PTPRE: variants seen among roughly 807,000 people sequenced by gnomAD.
The protein encoded by PTPRE is protein tyrosine phosphatase receptor type E.
PTPRE carries 51 observed loss-of-function variants against 102.0 expected under a neutral mutation model. The observed-to-expected ratio is 0.50, with a 90% CI of 0.40 to 0.63. PTPRE has a LOEUF of 0.63. PTPRE is among the 30% of genes least tolerant of loss of function. The pLI, the probability that PTPRE is intolerant of heterozygous loss-of-function variation, is 0.00. For synonymous variants in PTPRE, 345 were observed against 348.2 expected, an observed-to-expected ratio of 0.99 and a Z score of 0.10; for missense variants, 752 against 915.1, an observed-to-expected ratio of 0.82 and a Z score of 2.30.
intron 2 of PTPRE, among the ~76,000 whole-genome samples, chr10:128,033,747 C>A (rs549620824): frequency 1.2e-3 from 184 of 152,312 alleles, no homozygotes; most frequent in Non-Finnish European, 2.2e-3. Flanking sequence ...CGGGTTCAAG[C>A]GATTCTCCTG....
At chr10:127,964,819 C>G in intron 1 of PTPRE, 1 of 292,384 alleles carries the variant, frequency 3.4e-6, no homozygotes, top group South Asian at 3.1e-5. Flanking sequence ...TGAACAGTTT[C>G]ATTTTCAGTA....
At chr10:128,009,015 G>A (rs1844751984) in intron 2 of PTPRE, among the ~76,000 whole-genome samples, 3 of 152,182 alleles carry the variant, frequency 2.0e-5, no homozygotes, top group Admixed American at 1.3e-4. Context: ...GGGTTGCTTG[G>A]AAACTCAGTC....
rs1031663754 is a variant in PTPRE, at chr10:128,044,410, G to A, written c.110-2980G>A. On this transcript the variant is annotated intron_variant, in intron 3 of 20. Transcript: ENST00000254667. The stretch of plus-strand genomic sequence containing the variant: ...ACTGAGGTAGTCCCTGGAAGACCCC[G>A]GCTCTTGGCCAGAGCTCAGGATCAG... 7.9e-5 allele frequency among the ~76,000 whole-genome samples: 12 copies of A among 152,324 alleles called. No individual in the cohort carries two copies. The South Asian group carries it at 1.4e-3, about 18-fold the overall frequency.
chr10:127,943,229 C>A (rs150648619), intron 1 of PTPRE, among the ~76,000 whole-genome samples: 1 of 152,126 alleles, frequency 6.6e-6, no homozygotes, highest in East Asian at 1.9e-4. Flanking sequence ...TTTTTCTGAG[C>A]GTCACAGTGG....
At chr10:128,022,572 G>T (rs1221579556) in intron 2 of PTPRE, among the ~76,000 whole-genome samples, 1 of 152,200 alleles carries the variant, frequency 6.6e-6, no homozygotes, top group Non-Finnish European at 1.5e-5. Flanking sequence ...AGTTTCACTG[G>T]TGCTGCTGCT....
intron 1 of PTPRE, among the ~76,000 whole-genome samples, chr10:127,945,380 C>T (rs1049545449): frequency 6.6e-6 from 1 of 152,176 alleles, no homozygotes; most frequent in Non-Finnish European, 1.5e-5. Context: ...TATCTGAAGC[C>T]CAAGGCAACA....
intron 1 of PTPRE, among the ~76,000 whole-genome samples, chr10:127,946,848 A>G (rs1418448317): frequency 6.6e-6 from 1 of 152,156 alleles, no homozygotes; most frequent in African/African-American, 2.4e-5. Flanking sequence ...AACCTGGGCA[A>G]CATCGTGAGA....
At chr10:128,005,047 G>T (rs1025047532) in intron 2 of PTPRE, among the ~76,000 whole-genome samples, 9 of 152,226 alleles carry the variant, frequency 5.9e-5, no homozygotes, top group African/African-American at 2.2e-4. Flanking sequence ...CTTTGGAGAA[G>T]CGTCTATTCA....
rs1554951767 is a variant in PTPRE at position 128,082,195 on chromosome 10, C to CTCTCTT, written c.2029-636_2029-635insCTCTTT. ...TTAGTACTCTGATTTTTTTCTCTTT[C>CTCTCTT]TTTTTTTTTTTTTTTTTTTTTTTTT... On this transcript the variant is annotated intron_variant, in intron 20 of 20. Transcript: ENST00000254667. 5.9e-3 allele frequency among the ~76,000 whole-genome samples: 525 copies of CTCTCTT among 89,044 alleles called. 82 individuals carry two copies. Among genetic ancestry groups the CTCTCTT allele is most frequent in the African/African-American group, 0.016 (348 of 22,004 alleles). The allele number at this position is 89,044 out of a possible 152,430, so 58.4% of individuals were successfully genotyped here. A position where few individuals can be genotyped will look rare whatever the true frequency, so the allele number is the denominator to read the frequency against.
chr10:128,042,293 A>G (rs1847764679), intron 3 of PTPRE, among the ~76,000 whole-genome samples: 2 of 152,218 alleles, frequency 1.3e-5, no homozygotes, highest in East Asian at 3.8e-4. Context: ...AATCTGCCCG[A>G]GCTCTGCAGA....
intron 6 of PTPRE, 82 bp downstream of exon 6, chr10:128,049,748 C>A: frequency 6.3e-7 from 1 of 1,577,806 alleles, no homozygotes; most frequent in South Asian, 1.1e-5. Context: ...GATGAATTAT[C>A]CCAAAGACTC....
At chr10:127,992,968 G>A (rs1589936712) in intron 2 of PTPRE, among the ~76,000 whole-genome samples, 2 of 152,192 alleles carry the variant, frequency 1.3e-5, no homozygotes, top group East Asian at 3.8e-4. Flanking sequence ...ATTTCAGTGA[G>A]GCTGTAGTGC....
Position 128,082,831 on chromosome 10 carries a change from G to T in PTPRE, c.2029-1G>T. The T allele has an allele frequency of 6.4e-7, 1 of 1,554,792 alleles. No individual in the cohort carries two copies. On this transcript the variant is annotated splice_acceptor_variant, in intron 20 of 20. Coordinates refer to ENST00000254667, the MANE Select transcript of PTPRE (RefSeq NM_006504.6). LOFTEE classifies it high-confidence loss of function. Reference sequence around the variant, plus strand: ...TAATGTGTCCTTGTTTGTCTTTTCAGGAACAGTATGAATTCTGCTACAAAG... The same window carrying T: ...TAATGTGTCCTTGTTTGTCTTTTCATGAACAGTATGAATTCTGCTACAAAG...
intron 1 of PTPRE, among the ~76,000 whole-genome samples, chr10:127,924,620 G>A (rs749873507): frequency 1.3e-5 from 2 of 152,076 alleles, no homozygotes; most frequent in South Asian, 2.1e-4. Context: ...GTTCCCCTCC[G>A]CCCAACTTCC....
intron 1 of PTPRE, among the ~76,000 whole-genome samples, chr10:127,924,960 C>T (rs1846897686): frequency 6.6e-6 from 1 of 152,360 alleles, no homozygotes. Flanking sequence ...AATGCACATT[C>T]CCAGGTACTG....
At chr10:128,019,846 C>T (rs1845726081) in intron 2 of PTPRE, among the ~76,000 whole-genome samples, 1 of 152,198 alleles carries the variant, frequency 6.6e-6, no homozygotes, top group South Asian at 2.1e-4. Context: ...GGACCCCTGC[C>T]CCTCTCATCT....
chr10:127,990,233 A>G (rs928161141), intron 2 of PTPRE, among the ~76,000 whole-genome samples: 1 of 151,816 alleles, frequency 6.6e-6, no homozygotes, highest in Non-Finnish European at 1.5e-5. Flanking sequence ...CCAGTATGGT[A>G]AAACCTCATC....
chr10:128,072,339 G>C, intron 16 of PTPRE, 125 bp downstream of exon 16: 1 of 898,628 alleles, frequency 1.1e-6, no homozygotes, highest in East Asian at 2.8e-5. Flanking sequence ...AGCCATTTTT[G>C]TTAGCAGAAT....
intron 3 of PTPRE, among the ~76,000 whole-genome samples, chr10:128,044,790 G>A (rs1237352271): frequency 6.6e-6 from 1 of 152,198 alleles, no homozygotes; most frequent in African/African-American, 2.4e-5. Flanking sequence ...CTGACTCCTG[G>A]CTGGACCACA....
Sources: gnomAD v4.1 joint callset for allele counts (sites outside exome capture counted in the v4.1 genomes callset) on GRCh38, gnomAD v4.1.1 for gene constraint, MANE v1.5 for transcripts, NCBI Gene and HGNC (gene_info 2026-07-23, HGNC 2026-07-21) for gene names.